The following CDH10 variants were observed in gnomAD, a reference collection of about 807,000 sequenced individuals.
CDH10 encodes the protein cadherin 10.
Under a neutral mutation model 73.1 loss-of-function variants are expected in CDH10, and 30 were observed. The ratio of observed to expected loss-of-function variants is 0.41; its 90% CI spans 0.31 to 0.56. The LOEUF (loss-of-function observed/expected upper bound fraction) is 0.56, where lower values mean the gene tolerates loss of function less well. Ranked by LOEUF, CDH10 falls within the 20% of genes least tolerant of loss-of-function variation. CDH10 has a pLI of 0.27. For synonymous variants in CDH10, 345 were observed against 348.2 expected (o/e 0.99, Z 0.10); for missense variants, 815 against 973.7 (o/e 0.84, Z 2.17).
chr5:24,508,432 T>C (rs984349602), intron 7 of CDH10, among the ~76,000 whole-genome samples: 1 of 144,210 alleles, frequency 6.9e-6, no homozygotes, highest in Non-Finnish European at 1.6e-5. Context: ...AATAAATAAA[T>C]AAACATAAAA....
At chr5:24,619,484 T>C (rs1052315188) in intron 1 of CDH10, among the ~76,000 whole-genome samples, 10 of 152,230 alleles carry the variant, frequency 6.6e-5, no homozygotes, top group South Asian at 2.1e-4. Context: ...TGAGCCACCG[T>C]GCCCGGCCTG....
chr5:24,533,509 C>T (rs1743824323), intron 5 of CDH10, among the ~76,000 whole-genome samples: 1 of 151,586 alleles, frequency 6.6e-6, no homozygotes, highest in Non-Finnish European at 1.5e-5. Flanking sequence ...ATATATATTC[C>T]TGAAAATGTA....
chr5:24,509,710 A>G lies in CDH10; in HGVS notation c.1112T>C (p.Val371Ala). Reference sequence around the variant, plus strand: ...ATCCACATCTTCTATAGAGATTTTCACTATGGTAGTATCTTTAAATGGTCC... The same window carrying G: ...ATCCACATCTTCTATAGAGATTTTCGCTATGGTAGTATCTTTAAATGGTCC... ...YLGPFKDTTI[V>A]KISIEDVDEP... Residue 371 changes from valine (V) to alanine (A), a missense_variant, in exon 7 of 12, where the codon GTG becomes GCG. Coordinates refer to ENST00000264463, the MANE Select transcript of CDH10 (RefSeq NM_006727.5). 1 of 1,613,164 alleles carries G rather than the reference A, an allele frequency of 6.2e-7. No individual in the cohort carries two copies. The highest frequency in any genetic ancestry group is 8.5e-7 in the Non-Finnish European group (1 of 1,179,132).
At chr5:24,621,064 G>C (rs1747299850) in intron 1 of CDH10, among the ~76,000 whole-genome samples, 1 of 152,174 alleles carries the variant, frequency 6.6e-6, no homozygotes, top group Non-Finnish European at 1.5e-5. Context: ...TGGTAGGCCT[G>C]ATGCAGTTTA....
chr5:24,604,139 A>C (rs1394942177), intron 1 of CDH10, among the ~76,000 whole-genome samples: 3 of 152,178 alleles, frequency 2.0e-5, no homozygotes, highest in Admixed American at 6.5e-5. Flanking sequence ...ACTTGAGGCC[A>C]GGAGTTCAAG....
intron 2 of CDH10, among the ~76,000 whole-genome samples, chr5:24,583,204 TAA>T (rs35552025): frequency 1.4e-5 from 2 of 144,048 alleles, no homozygotes; most frequent in Non-Finnish European, 3.0e-5. Flanking sequence ...ATTTTTTAGT[TAA>T]AAAAAAAAAA....
chr5:24,530,884 A>G (rs1477369989), intron 5 of CDH10, among the ~76,000 whole-genome samples: 1 of 152,094 alleles, frequency 6.6e-6, no homozygotes, highest in Non-Finnish European at 1.5e-5. Flanking sequence ...TTTAAAAACC[A>G]TGAGACTATA....
At chr5:24,530,638 T>C (rs1743707286) in intron 5 of CDH10, among the ~76,000 whole-genome samples, 1 of 152,044 alleles carries the variant, frequency 6.6e-6, no homozygotes, top group African/African-American at 2.4e-5. Flanking sequence ...AAATTTGCTC[T>C]GGAATCCTCC....
At position 24,557,472 on chromosome 5, in the gene CDH10, T is replaced by C. The variant is rs138502203; in HGVS notation, c.232-19798A>G. Among the ~76,000 whole-genome samples the C allele has an allele frequency of 2.1e-3, 324 of 151,878 alleles. 1 individual carries two copies. Among genetic ancestry groups the C allele is most frequent in the Non-Finnish European group, 3.9e-3 (265 of 67,716 alleles). On this transcript the variant is annotated intron_variant, in intron 2 of 11. Transcript: ENST00000264463. ...TGAAAAAAAACTCAATACATTTACATATAATTTCATGCTTAATTTCATTTG... is the reference window on the plus strand; with the variant it reads ...TGAAAAAAAACTCAATACATTTACACATAATTTCATGCTTAATTTCATTTG...
At chr5:24,600,196 A>G (rs1024664259) in intron 1 of CDH10, among the ~76,000 whole-genome samples, 1 of 152,200 alleles carries the variant, frequency 6.6e-6, no homozygotes, top group Non-Finnish European at 1.5e-5. Context: ...CAAAATATAG[A>G]ATATAGAATC....
chr5:24,623,994 A>G (rs10461813), intron 1 of CDH10, among the ~76,000 whole-genome samples: 89,236 of 151,954 alleles, frequency 0.59, 30,773 homozygotes, highest in East Asian at 0.75. Flanking sequence ...TATACTATCA[A>G]AGCATAACAG....
chr5:24,524,421 A>G (rs570889923), intron 5 of CDH10, among the ~76,000 whole-genome samples: 3 of 152,238 alleles, frequency 2.0e-5, no homozygotes, highest in South Asian at 4.1e-4. Context: ...TAGATTGTTT[A>G]TGCGTACACT....
At position 24,498,388 on chromosome 5, in the gene CDH10, AG is replaced by A. The variant is rs1395470631; in HGVS notation, c.1515+9del. 3 of 1,585,352 alleles carry A rather than the reference AG, an allele frequency of 1.9e-6. No individual in the cohort carries two copies. Among genetic ancestry groups the A allele is most frequent in the Admixed American group, 3.5e-5 (2 of 57,330 alleles). On this transcript the variant is annotated intron_variant, in intron 9 of 11. Transcript: ENST00000264463. ...AATCTTTCCAGAGTTTTAATCCTGT[AG>A]GGGCTTACCTGCCCTGGTCTGGCAT...
chr5:24,615,963 A>T (rs145889114), intron 1 of CDH10, among the ~76,000 whole-genome samples: 15 of 152,212 alleles, frequency 9.9e-5, no homozygotes, highest in African/African-American at 3.6e-4. Flanking sequence ...ATCCCTTCTC[A>T]TTGCCAAGGT....
intron 2 of CDH10, among the ~76,000 whole-genome samples, chr5:24,543,715 A>G (rs962719900): frequency 6.6e-6 from 1 of 152,184 alleles, no homozygotes; most frequent in Admixed American, 6.5e-5. Flanking sequence ...CAACAAAAAA[A>G]CACAGGTGAA....
rs765785020 is a variant in CDH10 at position 24,509,761 on chromosome 5, T to C, written c.1061A>G (p.His354Arg). 2 of 1,611,960 alleles carry C rather than the reference T, an allele frequency of 1.2e-6. No homozygotes were observed. Among genetic ancestry groups the C allele is most frequent in the Non-Finnish European group, 1.7e-6 (2 of 1,178,072 alleles). ...YTLKVEAENT[H>R]VDPRFYYLGP... ...TAGGTAATAAAAACGGGGATCTACATGGGTGTTTTCTGCTTCGACTTTCAG... is the reference window on the plus strand; with the variant it reads ...TAGGTAATAAAAACGGGGATCTACACGGGTGTTTTCTGCTTCGACTTTCAG... The change falls in exon 7 of 12, where the codon CAT becomes CGT. Residue 354 changes from histidine to arginine, a missense_variant. Physicochemically the swap from His to Arg is conservative, Grantham distance 29. Around this residue, in one of 3 missense-constraint regions of CDH10, gnomAD observed 516 missense variants for 636.6 expected, o/e 0.81. Transcript: ENST00000264463.
chr5:24,552,122 T>C (rs964567653), intron 2 of CDH10, among the ~76,000 whole-genome samples: 2 of 152,112 alleles, frequency 1.3e-5, no homozygotes, highest in Non-Finnish European at 2.9e-5. Context: ...TGGTCTCAAA[T>C]ATACATATAT....
At chr5:24,524,661 A>G (rs1743460056) in intron 5 of CDH10, among the ~76,000 whole-genome samples, 1 of 152,108 alleles carries the variant, frequency 6.6e-6, no homozygotes, top group African/African-American at 2.4e-5. Context: ...CATTCTTAGT[A>G]TGGTTACCCA....
chr5:24,583,717 C>T (rs563050003), intron 2 of CDH10, among the ~76,000 whole-genome samples: 1 of 152,328 alleles, frequency 6.6e-6, no homozygotes, highest in African/African-American at 2.4e-5. Context: ...GCAGTCTCCA[C>T]TCACTGCAAT....
Sources: allele counts gnomAD v4.1 joint callset (sites outside exome capture counted in the v4.1 genomes callset), GRCh38; gene constraint gnomAD v4.1.1; regional missense constraint gnomAD v4.1.1; transcripts MANE v1.5; gene names NCBI Gene and HGNC (gene_info 2026-07-23, HGNC 2026-07-21).